The following ZNF587B variants were observed in gnomAD, a reference collection of about 807,000 sequenced individuals.
ZNF587B encodes zinc finger protein 587B.
ZNF587B carries 6 observed loss-of-function variants against 7.2 expected under a neutral mutation model. The ratio of observed to expected loss-of-function variants is 0.83; its 90% CI spans 0.46 to 1.65. ZNF587B has a LOEUF of 1.65. Among genes scored for constraint, ZNF587B ranks in the 40% most tolerant of loss-of-function variants. The pLI is 0.01. For synonymous variants in ZNF587B, 274 were observed against 254.3 expected (o/e 1.08, Z -0.74); for missense variants, 749 against 761.0 (o/e 0.98, Z 0.19).
In ZNF587B at chr19:57,830,558, T is replaced by C. The variant is rs1226586444; in HGVS notation, c.30T>C (p.Ser10=). Residue 10 remains serine, a synonymous_variant, in exon 1 of 3, where the codon TCT becomes TCC. Transcript: ENST00000594901. ...CGGTGGTGGCCACGCTGAGGCTCTCTGCTCAGGTAATTGTGGTGCCTTCCA... is the reference window on the plus strand; with the variant it reads ...CGGTGGTGGCCACGCTGAGGCTCTCCGCTCAGGTAATTGTGGTGCCTTCCA... The part of the protein sequence containing the change: MAVVATLRL[S]AQGTVTFEDV... 69 of 1,550,126 alleles carry C rather than the reference T, an allele frequency of 4.5e-5. No homozygotes were observed. In the Admixed American group the frequency reaches 1.3e-3, roughly 29 times the overall value.
In ZNF587B at chr19:57,843,212, G is replaced by T; in HGVS notation, c.*636G>T. The T allele has an allele frequency of 1.2e-6, 1 of 812,846 alleles. No homozygotes were observed. The highest frequency in any genetic ancestry group is 1.3e-4 in the East Asian group (1 of 7,892). 50.4% of individuals were successfully genotyped at this position (812,846 alleles called of 1,614,324 possible). A position where few individuals can be genotyped will look rare whatever the true frequency, so the allele number is the denominator to read the frequency against. On this transcript the variant is annotated 3_prime_UTR_variant, in exon 3 of 3. Coordinates refer to ENST00000594901, the MANE Select transcript of ZNF587B (RefSeq NM_001376223.1). ...TTTACCATGTTTCCAGGCTGGTATC[G>T]AACTCCTGAGCTCAAGCAATCTGTA...
At chr19:57,832,169 C>T (rs1209840899) in intron 1 of ZNF587B, among the ~76,000 whole-genome samples, 1 of 152,130 alleles carries the variant, frequency 6.6e-6, no homozygotes, top group Non-Finnish European at 1.5e-5. Context: ...TCACTGCAAG[C>T]TCCACCTCCC....
chr19:57,843,557 T>TG lies in ZNF587B; in HGVS notation c.*981_*982insG. On this transcript the variant is annotated 3_prime_UTR_variant, in exon 3 of 3. Transcript: ENST00000594901. ...TTCACGAGAGATTTTTTTTTTAAGT[T>TG]TTTTGTTTGGTTGGTTGGTTGGTTG... The TG allele has an allele frequency of 1.0e-6, 1 of 970,454 alleles. No homozygotes were observed. The highest frequency in any genetic ancestry group is 1.2e-6 in the Non-Finnish European group (1 of 822,158). The allele number at this position is 970,454 out of a possible 1,614,324, so 60.1% of individuals were successfully genotyped here.
At chr19:57,834,835 A>G in intron 1 of ZNF587B, among the ~76,000 whole-genome samples, 1 of 125,726 alleles carries the variant, frequency 8.0e-6, no homozygotes, top group African/African-American at 2.9e-5. Context: ...ACAGAGCGAG[A>G]CTCTCTCTTA....
rs1022712376 is a variant in ZNF587B at position 57,834,864 on chromosome 19, A to G, written c.37-4159A>G. Among the ~76,000 whole-genome samples the G allele has an allele frequency of 5.8e-5, 8 of 136,982 alleles. 1 individual carries two copies. The highest frequency in any genetic ancestry group is 9.6e-5 in the Non-Finnish European group (6 of 62,246). The allele number at this position is 136,982 out of a possible 152,430, so 89.9% of individuals were successfully genotyped here. A position where few individuals can be genotyped will look rare whatever the true frequency, so the allele number is the denominator to read the frequency against. The stretch of plus-strand genomic sequence containing the variant: ...TCTCTTAAAAAAAAAAAAGAAAAAA[A>G]AAAGGTGTTCTGTTAAGGGTATGAT... On this transcript the variant is annotated intron_variant, in intron 1 of 2. Coordinates refer to ENST00000594901, the MANE Select transcript of ZNF587B (RefSeq NM_001376223.1).
At chr19:57,840,206 T>G (rs111856778) in intron 2 of ZNF587B, among the ~76,000 whole-genome samples, 246 of 150,748 alleles carry the variant, frequency 1.6e-3, no homozygotes, top group Admixed American at 3.1e-3. Context: ...GCAAGAGAAG[T>G]AGGCACACAT....
chr19:57,832,825 A>G (rs1352006772), intron 1 of ZNF587B, among the ~76,000 whole-genome samples: 1 of 152,248 alleles, frequency 6.6e-6, no homozygotes, highest in African/African-American at 2.4e-5. Flanking sequence ...GTGGTCTTGA[A>G]TAAGATCTGA....
rs544186203 is a variant in ZNF587B at position 57,843,555 on chromosome 19, G to GT, written c.*985dup. On this transcript the variant is annotated 3_prime_UTR_variant, in exon 3 of 3. Coordinates refer to ENST00000594901, the MANE Select transcript of ZNF587B (RefSeq NM_001376223.1). ...CATTCACGAGAGATTTTTTTTTTAA[G>GT]TTTTTTGTTTGGTTGGTTGGTTGGT... is the stretch of plus-strand genomic sequence containing the variant. 213 of 892,434 alleles carry GT rather than the reference G, an allele frequency of 2.4e-4. No individual in the cohort carries two copies. The African/African-American group carries it at 4.9e-3, about 21-fold the overall frequency. The allele number at this position is 892,434 out of a possible 1,614,324, so 55.3% of individuals were successfully genotyped here.
rs1324641805 is a variant in ZNF587B at position 57,842,144 on chromosome 19, AGAGAAG to A, written c.1471_1476del (p.Glu491_Lys492del). 2 of 1,612,472 alleles carry A rather than the reference AGAGAAG, an allele frequency of 1.2e-6. No homozygotes were observed. The highest frequency in any genetic ancestry group is 2.7e-5 in the African/African-American group (2 of 75,002). On this transcript the variant is annotated inframe_deletion, in exon 3 of 3. Coordinates refer to ENST00000594901, the MANE Select transcript of ZNF587B (RefSeq NM_001376223.1). ...TTGTACACCAGAGAATTCACAGTGGAGAGAAGCCATATGCTTGTGAGGCTTGTCAGA... is the reference window on the plus strand; with the variant it reads ...TTGTACACCAGAGAATTCACAGTGGACCATATGCTTGTGAGGCTTGTCAGA...
Position 57,843,318 on chromosome 19 carries a change from A to T in ZNF587B, c.*742A>T, listed in dbSNP as rs989723413. The T allele has an allele frequency of 6.1e-6, 6 of 985,240 alleles. No homozygotes were observed. The East Asian group carries it at 5.7e-4, about 93-fold the overall frequency. The allele number at this position is 985,240 out of a possible 1,614,324, so 61.0% of individuals were successfully genotyped here. On this transcript the variant is annotated 3_prime_UTR_variant, in exon 3 of 3. Transcript: ENST00000594901. ...ATTATGTTTTTCTGTGTAACATGGG[A>T]GGAGATCCTTTGAGGGCACCATGTG...
chr19:57,838,243 G>A (rs1988703172), intron 1 of ZNF587B, among the ~76,000 whole-genome samples: 1 of 151,376 alleles, frequency 6.6e-6, no homozygotes, highest in Admixed American at 6.6e-5. Flanking sequence ...CCAGGAGGCA[G>A]AGGTTGCAGT....
rs1266130209 is a variant in ZNF587B at position 57,841,093 on chromosome 19, A to G, written c.419A>G (p.Asn140Ser). ...AGTGGAAACTTTCATCAGCACCAGA[A>G]TGAGCACATTGGAGAGAAACCCTAC... Reference protein sequence around the residue: ...YDSGNFHQHQNEHIGEKPYRG... With the variant: ...YDSGNFHQHQSEHIGEKPYRG... Residue 140 changes from asparagine to serine, a missense_variant, in exon 3 of 3, where the codon AAT (asparagine) becomes AGT (serine). Transcript: ENST00000594901. 5.6e-6 allele frequency: 9 copies of G among 1,613,880 alleles called. No homozygotes were observed. Among genetic ancestry groups the G allele is most frequent in the Admixed American group, 1.7e-5 (1 of 59,964 alleles).
At chr19:57,832,906 C>G (rs1355680078) in intron 1 of ZNF587B, among the ~76,000 whole-genome samples, 1 of 152,220 alleles carries the variant, frequency 6.6e-6, no homozygotes, top group African/African-American at 2.4e-5. Context: ...CCCAGCATGT[C>G]TCTGTCAGTG....
chr19:57,831,110 T>C (rs1043548367), intron 1 of ZNF587B, among the ~76,000 whole-genome samples: 3 of 152,220 alleles, frequency 2.0e-5, no homozygotes, highest in African/African-American at 7.2e-5. Context: ...CACAGTATCT[T>C]ATCAGTTAAT....
At position 57,841,632 on chromosome 19, in the gene ZNF587B, C is replaced by G. The variant is rs1988854391; in HGVS notation, c.958C>G (p.His320Asp). 6.3e-7 allele frequency: 1 copy of G among 1,595,624 alleles called. No homozygotes were observed. Among genetic ancestry groups the G allele is most frequent in the Non-Finnish European group, 8.5e-7 (1 of 1,170,862 alleles). The change falls in exon 3 of 3, where the codon CAC becomes GAC. Residue 320 changes from histidine to aspartate, a missense_variant. Physicochemically the swap from His to Asp is moderately conservative, Grantham distance 81 (BLOSUM62 -1). Around this residue, in one of 3 missense-constraint regions of ZNF587B, gnomAD observed 656 missense variants for 596.5 expected, o/e 1.10. Coordinates refer to ENST00000594901, the MANE Select transcript of ZNF587B (RefSeq NM_001376223.1). The stretch of plus-strand genomic sequence containing the variant: ...ATATCTTAGGCGCCATCAAAAAGTT[C>G]ACGCTGGAAAAGGGCCTTATGAGTG... ...EGYLRRHQKV[H>D]AGKGPYECGE...
chr19:57,842,174 G>C lies in ZNF587B; in HGVS notation c.1500G>C (p.Gln500His), dbSNP rs767874988. 6.8e-6 allele frequency: 11 copies of C among 1,612,944 alleles called. No individual in the cohort carries two copies. The highest frequency in any genetic ancestry group is 1.6e-4 in the Middle Eastern group (1 of 6,070). The change falls in exon 3 of 3, where the codon CAG (glutamine) becomes CAC (histidine). Residue 500 changes from glutamine (Q) to histidine (H), a missense_variant. Around this residue, in one of 3 missense-constraint regions of ZNF587B, gnomAD observed 656 missense variants for 596.5 expected, o/e 1.10. Transcript: ENST00000594901. The stretch of plus-strand genomic sequence containing the variant: ...AGCCATATGCTTGTGAGGCTTGTCA[G>C]AAATTTTTTAGGCACAAGTGCCACC... ...GEKPYACEAC[Q>H]KFFRHKCHLT...
At chr19:57,838,171 G>T (rs541349618) in intron 1 of ZNF587B, among the ~76,000 whole-genome samples, 1 of 147,610 alleles carries the variant, frequency 6.8e-6, no homozygotes, top group South Asian at 2.1e-4. Context: ...GCCAGGTGTG[G>T]TGGTGCACAC....
In ZNF587B at chr19:57,841,507, C is replaced by T; in HGVS notation, c.833C>T (p.Ser278Phe). The change falls in exon 3 of 3, where the codon TCT becomes TTT. Residue 278 changes from serine to phenylalanine, a missense_variant. Transcript: ENST00000594901. Reference protein sequence around the residue: ...RPYECGECEKSFSQKSSLIQH... With the variant: ...RPYECGECEKFFSQKSSLIQH... ...TATGAATGTGGAGAATGTGAGAAAT[C>T]TTTTAGTCAAAAGAGCAGCCTCATT... is the stretch of plus-strand genomic sequence containing the variant. 1 of 1,585,530 alleles carries T rather than the reference C, an allele frequency of 6.3e-7. No individual in the cohort carries two copies. The highest frequency in any genetic ancestry group is 8.6e-7 in the Non-Finnish European group (1 of 1,165,224).
intron 1 of ZNF587B, among the ~76,000 whole-genome samples, chr19:57,838,541 C>T (rs1988717302): frequency 6.6e-6 from 1 of 152,158 alleles, no homozygotes. Context: ...GCAGAGGTTG[C>T]AGTGAGCCGA....
Sources: gnomAD v4.1 joint callset for allele counts (sites outside exome capture counted in the v4.1 genomes callset) on GRCh38, gnomAD v4.1.1 for gene constraint, gnomAD v4.1.1 regional missense constraint, MANE v1.5 for transcripts, NCBI Gene and HGNC (gene_info 2026-07-23, HGNC 2026-07-21) for gene names.